MAD1L1: variants seen among roughly 807,000 people sequenced by gnomAD.
The protein encoded by MAD1L1 is mitotic arrest deficient 1 like 1.
In MAD1L1, 95 loss-of-function variants were observed where a neutral mutation model predicts 96.9. That is an observed-to-expected ratio of 0.98 (90% CI 0.83 to 1.16). The LOEUF (loss-of-function observed/expected upper bound fraction) is 1.16. Among genes scored for constraint, MAD1L1 ranks in the 50% most tolerant of loss-of-function variants. The pLI, the probability that MAD1L1 is intolerant of heterozygous loss-of-function variation, is 0.00. For synonymous variants in MAD1L1, 473 were observed against 396.6 expected, an observed-to-expected ratio of 1.19 and a Z score of -2.29; for missense variants, 1,007 against 954.4, an observed-to-expected ratio of 1.06 and a Z score of -0.73.
chr7:1,926,957 C>T (rs1400379374), intron 17 of MAD1L1, among the ~76,000 whole-genome samples: 1 of 152,168 alleles, frequency 6.6e-6, no homozygotes, highest in Non-Finnish European at 1.5e-5. Context: ...TTCACAGGTG[C>T]TATGACTGCA....
At chr7:2,030,747 G>A (rs892446244) in intron 12 of MAD1L1, among the ~76,000 whole-genome samples, 1 of 152,242 alleles carries the variant, frequency 6.6e-6, no homozygotes, top group Admixed American at 6.5e-5. Context: ...GTTTTGAAGG[G>A]CAATACTGTG....
At chr7:1,979,627 C>T (rs924757560) in intron 15 of MAD1L1, among the ~76,000 whole-genome samples, 7 of 152,206 alleles carry the variant, frequency 4.6e-5, no homozygotes, top group Admixed American at 2.0e-4. Flanking sequence ...AAAAGCAGCC[C>T]GGCCTGCAGA....
intron 18 of MAD1L1, among the ~76,000 whole-genome samples, chr7:1,896,449 T>C (rs2128441044): frequency 6.6e-6 from 1 of 152,350 alleles, no homozygotes; most frequent in Admixed American, 6.5e-5. Context: ...AGGGCTGCGC[T>C]TCAGAAGCCC....
intron 17 of MAD1L1, among the ~76,000 whole-genome samples, chr7:1,921,358 G>A (rs1199470277): frequency 6.9e-6 from 1 of 145,042 alleles, no homozygotes; most frequent in African/African-American, 2.6e-5. Flanking sequence ...TATCTCTGTT[G>A]CCCAGGCTGG....
chr7:1,865,285 A>G (rs950518323), intron 18 of MAD1L1, among the ~76,000 whole-genome samples: 2 of 151,762 alleles, frequency 1.3e-5, no homozygotes, highest in Non-Finnish European at 2.9e-5. Flanking sequence ...AGGGCCAGAG[A>G]GAAGCTCTTG....
Position 2,069,232 on chromosome 7 carries a change from C to T in MAD1L1, c.1180G>A (p.Ala394Thr). Residue 394 changes from alanine (A) to threonine (T), a missense_variant, in exon 12 of 19, where the codon GCC (alanine) becomes ACC (threonine). Transcript: ENST00000265854. Reference protein sequence around the residue: ...RKKRETHEALARRLQKRVLLL... With the variant: ...RKKRETHEALTRRLQKRVLLL... ...AGGACCCGTTTCTGGAGCCTCCGGG[C>T]CAGCGCCTCGTGGGTCTCGCGCTTC... The T allele has an allele frequency of 3.1e-6, 5 of 1,610,560 alleles. No individual in the cohort carries two copies. Among genetic ancestry groups the T allele is most frequent in the Non-Finnish European group, 4.2e-6 (5 of 1,178,738 alleles).
At chr7:1,947,266 T>G (rs1294309236) in intron 16 of MAD1L1, among the ~76,000 whole-genome samples, 1 of 152,130 alleles carries the variant, frequency 6.6e-6, no homozygotes, top group Non-Finnish European at 1.5e-5. Flanking sequence ...GGAGGCTGCC[T>G]CCAGCAAGGC....
rs184576398 is a variant in MAD1L1, at chr7:2,078,929, G to T, written c.1074-9591C>A. 3.4e-3 allele frequency among the ~76,000 whole-genome samples: 516 copies of T among 152,376 alleles called. 5 individuals carry two copies. The highest frequency in any genetic ancestry group is 0.012 in the African/African-American group (484 of 41,592). On this transcript the variant is annotated intron_variant, in intron 11 of 18. Coordinates refer to ENST00000265854, the MANE Select transcript of MAD1L1 (RefSeq NM_001013836.2). ...TGACCTCCAGGGTCTCCAGGGCCGTGCCTTGGGCACCCCCATAGGGCTGGG... is the reference window on the plus strand; with the variant it reads ...TGACCTCCAGGGTCTCCAGGGCCGTTCCTTGGGCACCCCCATAGGGCTGGG...
At chr7:1,934,270 C>A (rs996182174) in intron 17 of MAD1L1, among the ~76,000 whole-genome samples, 2 of 152,200 alleles carry the variant, frequency 1.3e-5, no homozygotes, top group Non-Finnish European at 2.9e-5. Flanking sequence ...CCTCTTCGCA[C>A]CCCCCACTCC....
chr7:2,037,991 G>A lies in MAD1L1; in HGVS notation c.1219-23349C>T, dbSNP rs564507165. 3.9e-5 allele frequency among the ~76,000 whole-genome samples: 6 copies of A among 152,290 alleles called. No homozygotes were observed. In the South Asian group the frequency reaches 8.3e-4, roughly 21 times the overall value. ...CCAGGCCTCTCGTGCCAAACAGCTC[G>A]CCAAGTTGTGAATGCAAAGGGAAAG... is the stretch of plus-strand genomic sequence containing the variant. On this transcript the variant is annotated intron_variant, in intron 12 of 18. Coordinates refer to ENST00000265854, the MANE Select transcript of MAD1L1 (RefSeq NM_001013836.2).
chr7:2,040,856 C>A (rs1200607357), intron 12 of MAD1L1, among the ~76,000 whole-genome samples: 1 of 152,238 alleles, frequency 6.6e-6, no homozygotes, highest in African/African-American at 2.4e-5. Context: ...ACTCCATCTT[C>A]CTGCAAACAG....
intron 12 of MAD1L1, among the ~76,000 whole-genome samples, chr7:2,054,024 C>T (rs1784293234): frequency 6.6e-6 from 1 of 152,228 alleles, no homozygotes; most frequent in South Asian, 2.1e-4. Flanking sequence ...GTCAGGGCTG[C>T]ACCCGGGTGC....
At chr7:1,976,485 T>TA (rs1780645401) in intron 15 of MAD1L1, among the ~76,000 whole-genome samples, 1 of 151,972 alleles carries the variant, frequency 6.6e-6, no homozygotes, top group Non-Finnish European at 1.5e-5. Flanking sequence ...GCCTCAGGAG[T>TA]GAAGCTGCAG....
chr7:2,072,885 G>A (rs920337019), intron 11 of MAD1L1, among the ~76,000 whole-genome samples: 1 of 152,228 alleles, frequency 6.6e-6, no homozygotes, highest in Non-Finnish European at 1.5e-5. Context: ...ACATCTGTGT[G>A]GGGGCACATG....
chr7:1,956,056 T>C (rs1050531777), intron 16 of MAD1L1, among the ~76,000 whole-genome samples: 3 of 152,086 alleles, frequency 2.0e-5, no homozygotes, highest in African/African-American at 7.2e-5. Context: ...AGGGGCCTAG[T>C]ATATCCTGTT....
intron 17 of MAD1L1, among the ~76,000 whole-genome samples, chr7:1,908,466 C>T (rs1428583266): frequency 5.9e-5 from 9 of 152,154 alleles, no homozygotes; most frequent in African/African-American, 2.2e-4. Context: ...ACTGTAGCCT[C>T]GAACTCCGGG....
rs201810487 is a variant in MAD1L1, at chr7:1,816,109, C to G, written c.2118G>C (p.Ser706=). The change falls in exon 19 of 19, where the codon TCG becomes TCC. Residue 706 remains serine, a synonymous_variant. Transcript: ENST00000265854. ...GGCGGCTGAAGAGCTCGAGGGTGAGCGAGCTGAGGAAGGCAGGGATGCTGT... is the reference window on the plus strand; with the variant it reads ...GGCGGCTGAAGAGCTCGAGGGTGAGGGAGCTGAGGAAGGCAGGGATGCTGT... ...RQDSIPAFLS[S]LTLELFSRQT... is the part of the protein sequence containing the mutation. 2.3e-5 allele frequency: 37 copies of G among 1,612,314 alleles called. No homozygotes were observed. Among genetic ancestry groups the G allele is most frequent in the Non-Finnish European group, 3.0e-5 (35 of 1,179,672 alleles).
Position 2,069,341 on chromosome 7 carries a change from G to A in MAD1L1, c.1074-3C>T, listed in dbSNP as rs1208967211. ...TGGCCTTCTCCAGCCCCCGGGCGCTGCATGGGAGAGACAAGAGGGCAAAGC... is the reference window on the plus strand; with the variant it reads ...TGGCCTTCTCCAGCCCCCGGGCGCTACATGGGAGAGACAAGAGGGCAAAGC... On this transcript the variant is annotated splice_polypyrimidine_tract_variant and splice_region_variant and intron_variant, in intron 11 of 18. Coordinates refer to ENST00000265854, the MANE Select transcript of MAD1L1 (RefSeq NM_001013836.2). The A allele has an allele frequency of 1.3e-6, 2 of 1,586,658 alleles. No individual in the cohort carries two copies.
At chr7:2,091,600 C>T (rs1786219153) in intron 11 of MAD1L1, among the ~76,000 whole-genome samples, 1 of 152,140 alleles carries the variant, frequency 6.6e-6, no homozygotes, top group Non-Finnish European at 1.5e-5. Flanking sequence ...AGGGTGAAAC[C>T]CCGTCTCTAC....
Sources: gnomAD v4.1 joint callset for allele counts (sites outside exome capture counted in the v4.1 genomes callset) on GRCh38, gnomAD v4.1.1 for gene constraint, MANE v1.5 for transcripts, NCBI Gene and HGNC (gene_info 2026-07-23, HGNC 2026-07-21) for gene names.